The following ADAMTS2 variants were observed in gnomAD, a reference collection of about 807,000 sequenced individuals.
The protein encoded by ADAMTS2 is A disintegrin and metalloproteinase with thrombospondin motifs 2.
ADAMTS2 carries 50 observed loss-of-function variants against 123.0 expected under a neutral mutation model. The ratio of observed to expected loss-of-function variants is 0.41; its 90% CI spans 0.32 to 0.51. The LOEUF is 0.51. Among genes scored for constraint, ADAMTS2 ranks in the 20% least tolerant of loss-of-function variants. The pLI, the probability that ADAMTS2 is intolerant of heterozygous loss-of-function variation, is 0.35. For missense variants in ADAMTS2, 1,494 were observed against 1,705.2 expected (o/e 0.88, Z 2.18); for synonymous variants, 678 against 695.4 (o/e 0.98, Z 0.39).
intron 4 of ADAMTS2, among the ~76,000 whole-genome samples, chr5:179,200,496 G>C (rs575136714): frequency 7.2e-5 from 11 of 152,192 alleles, no homozygotes; most frequent in African/African-American, 2.6e-4. Flanking sequence ...TGATCCGCCC[G>C]CCTTGGCCTC....
chr5:179,258,894 C>G (rs1345210791), intron 3 of ADAMTS2, among the ~76,000 whole-genome samples: 2 of 152,160 alleles, frequency 1.3e-5, no homozygotes, highest in Non-Finnish European at 2.9e-5. Context: ...GGACTGCCTA[C>G]CAGGACTCCC....
chr5:179,120,298 A>C (rs1762729070), intron 21 of ADAMTS2: 1 of 152,248 alleles, frequency 6.6e-6, no homozygotes, highest in African/African-American at 2.4e-5. Flanking sequence ...TCATAAAAAA[A>C]ACCAGAAAAG....
chr5:179,183,327 G>T (rs1764092372), intron 4 of ADAMTS2, among the ~76,000 whole-genome samples: 1 of 152,236 alleles, frequency 6.6e-6, no homozygotes, highest in Non-Finnish European at 1.5e-5. Flanking sequence ...CCGAGGGAAG[G>T]TCCCACTGCA....
At chr5:179,289,787 T>C (rs1756133860) in intron 2 of ADAMTS2, among the ~76,000 whole-genome samples, 1 of 152,158 alleles carries the variant, frequency 6.6e-6, no homozygotes, top group Admixed American at 6.5e-5. Context: ...CGTGGTGCCC[T>C]ACGGAGGGCA....
chr5:179,329,710 A>G (rs2127458924), intron 2 of ADAMTS2, among the ~76,000 whole-genome samples: 1 of 152,192 alleles, frequency 6.6e-6, no homozygotes, highest in East Asian at 1.9e-4. Context: ...CCGGCAGAAT[A>G]AAAAAGGAAG....
chr5:179,150,452 G>A (rs1169037593), intron 10 of ADAMTS2, among the ~76,000 whole-genome samples: 2 of 152,140 alleles, frequency 1.3e-5, no homozygotes, highest in South Asian at 2.1e-4. Flanking sequence ...CCAGGTCTTC[G>A]AACAAAACCT....
At chr5:179,268,814 G>A (rs967954980) in intron 3 of ADAMTS2, among the ~76,000 whole-genome samples, 12 of 152,310 alleles carry the variant, frequency 7.9e-5, no homozygotes, top group South Asian at 2.1e-4. Flanking sequence ...CTGCTCCTCC[G>A]CGTGACCCAG....
At chr5:179,153,971 T>C in intron 8 of ADAMTS2, 78 bp downstream of exon 8, 1 of 1,533,540 alleles carries the variant, frequency 6.5e-7, no homozygotes, top group Non-Finnish European at 8.8e-7. Context: ...CTGGCTCTGG[T>C]GCATGGGGAC....
chr5:179,302,276 A>G (rs1167853167), intron 2 of ADAMTS2, among the ~76,000 whole-genome samples: 3 of 151,134 alleles, frequency 2.0e-5, no homozygotes, highest in African/African-American at 7.3e-5. Flanking sequence ...CCTGGCTAAC[A>G]CAGTGAAACC....
chr5:179,119,985 G>C (rs1027267883), intron 21 of ADAMTS2, among the ~76,000 whole-genome samples: 1 of 152,168 alleles, frequency 6.6e-6, no homozygotes, highest in African/African-American at 2.4e-5. Flanking sequence ...GAAAATACCT[G>C]GGGAGGGGAG....
At chr5:179,280,817 C>T (rs897006788) in intron 2 of ADAMTS2, among the ~76,000 whole-genome samples, 5 of 152,166 alleles carry the variant, frequency 3.3e-5, no homozygotes, top group African/African-American at 1.2e-4. Context: ...GTTTAAAATG[C>T]AACTGAAAAG....
At chr5:179,172,992 C>T (rs949431997) in intron 5 of ADAMTS2, among the ~76,000 whole-genome samples, 2 of 151,506 alleles carry the variant, frequency 1.3e-5, no homozygotes, top group Non-Finnish European at 2.9e-5. Context: ...ATCATTTGAG[C>T]CTGGGAGTTC....
At chr5:179,335,092 G>A (rs1757579303) in intron 2 of ADAMTS2, among the ~76,000 whole-genome samples, 1 of 152,000 alleles carries the variant, frequency 6.6e-6, no homozygotes, top group African/African-American at 2.4e-5. Context: ...ATAAACATAT[G>A]TGACCAGCCA....
At chr5:179,157,518 CTT>C (rs112529401) in intron 6 of ADAMTS2, among the ~76,000 whole-genome samples, 1 of 144,678 alleles carries the variant, frequency 6.9e-6, no homozygotes, top group South Asian at 2.2e-4. Flanking sequence ...TTAAATTTTC[CTT>C]TTTTTTTTTT....
chr5:179,291,600 G>A (rs1317209613), intron 2 of ADAMTS2, among the ~76,000 whole-genome samples: 1 of 152,198 alleles, frequency 6.6e-6, no homozygotes, highest in African/African-American at 2.4e-5. Context: ...GCAGAGTGTG[G>A]AAGGCGGGAG....
At chr5:179,201,005 AT>A (rs1258158273) in intron 4 of ADAMTS2, among the ~76,000 whole-genome samples, 1 of 152,246 alleles carries the variant, frequency 6.6e-6, no homozygotes, top group African/African-American at 2.4e-5. Flanking sequence ...ATACACGTAT[AT>A]TTTTAAATGC....
intron 11 of ADAMTS2, among the ~76,000 whole-genome samples, chr5:179,139,528 C>A (rs1236571567): frequency 6.6e-6 from 1 of 152,090 alleles, no homozygotes; most frequent in East Asian, 1.9e-4. Context: ...CAAACAGCTG[C>A]CCAGGTGCTA....
chr5:179,135,378 C>T (rs1763048410), intron 13 of ADAMTS2, among the ~76,000 whole-genome samples: 1 of 152,192 alleles, frequency 6.6e-6, no homozygotes, highest in South Asian at 2.1e-4. Flanking sequence ...TTCATGTCAC[C>T]GTCACATGGC....
Position 179,272,455 on chromosome 5 carries a change from A to T in ADAMTS2, c.688+456T>A, listed in dbSNP as rs1011960322. ...GTGAGGGTTGGGACCTACCACAGGC[A>T]CCCTCCCAGGGACCATGGCAGCACA... On this transcript the variant is annotated intron_variant, in intron 3 of 21. Transcript: ENST00000251582. This position sits in a 1 kb window ranked among gnomAD's most constrained non-coding sequence, Gnocchi z 5.8. 5.3e-5 allele frequency among the ~76,000 whole-genome samples: 8 copies of T among 151,992 alleles called. No homozygotes were observed. Among genetic ancestry groups the T allele is most frequent in the African/African-American group, 1.9e-4 (8 of 41,380 alleles).
Sources: allele counts gnomAD v4.1 joint callset (sites outside exome capture counted in the v4.1 genomes callset), GRCh38; gene constraint gnomAD v4.1.1; non-coding constraint Gnocchi (gnomAD v3.1); transcripts MANE v1.5; gene names NCBI Gene and HGNC (gene_info 2026-07-23, HGNC 2026-07-21).